Variants in CD163L1 observed in about 807,000 individuals in gnomAD.
CD163L1 encodes CD163 molecule like 1, also known as scavenger receptor cysteine-rich type 1 protein M160.
In CD163L1, 124 loss-of-function variants were observed where a neutral mutation model predicts 165.4. The ratio of observed to expected loss-of-function variants is 0.75; its 90% CI spans 0.65 to 0.87. The LOEUF (loss-of-function observed/expected upper bound fraction) is 0.87, where lower values mean the gene tolerates loss of function less well. Among genes scored for constraint, CD163L1 ranks in the 40% least tolerant of loss-of-function variants. The probability of loss-of-function intolerance (pLI) is 0.00; values close to 1 mark genes in which losing one functional copy is unlikely to be tolerated. For synonymous variants in CD163L1, 585 were observed against 662.2 expected (o/e 0.88, Z 1.79); for missense variants, 1,525 against 1,799.9 (o/e 0.85, Z 2.76).
At chr12:7,342,643 C>A (rs1289991772), downstream of CD163L1, among the ~76,000 whole-genome samples, 3 of 152,104 alleles carry the variant, frequency 2.0e-5, no homozygotes, top group Non-Finnish European at 4.4e-5. Context: ...CATTTTCCTC[C>A]AGCCTTGGAG....
chr12:7,439,203 C>T, intron 2 of CD163L1: 1 of 1,580,534 alleles, frequency 6.3e-7, no homozygotes, highest in Non-Finnish European at 8.6e-7. Flanking sequence ...ACACTTGATT[C>T]AGATTCCACC....
At chr12:7,415,159 A>T (rs942580379) in intron 4 of CD163L1, among the ~76,000 whole-genome samples, 19 of 152,130 alleles carry the variant, frequency 1.2e-4, no homozygotes, top group African/African-American at 4.3e-4. Context: ...AAATATAAAG[A>T]TATGTATATT....
In CD163L1 at chr12:7,400,570, T is replaced by C. The variant is rs1368562428; in HGVS notation, c.1409-1986A>G. Among the ~76,000 whole-genome samples the C allele has an allele frequency of 6.6e-6, 1 of 152,114 alleles. No individual in the cohort carries two copies. The highest frequency in any genetic ancestry group is 1.5e-5 in the Non-Finnish European group (1 of 68,012). On this transcript the variant is annotated intron_variant, in intron 6 of 19. Transcript: ENST00000313599. This position sits in a 1 kb window ranked among gnomAD's most constrained non-coding sequence, Gnocchi z 4.1. ...TGCCCAGGCTGGAGTGGAGTGGCTA[T>C]TTACAGGTGCAATCATAGCACCTTA...
intron 8 of CD163L1, among the ~76,000 whole-genome samples, chr12:7,383,532 G>T (rs12423602): frequency 0.052 from 7,947 of 152,210 alleles, 529 homozygotes; most frequent in Admixed American, 0.21. Context: ...ACTCACATTG[G>T]TGCTTGCATA....
downstream of CD163L1, among the ~76,000 whole-genome samples, chr12:7,352,560 T>C (rs1591862211): frequency 6.6e-6 from 1 of 152,240 alleles, no homozygotes; most frequent in South Asian, 2.1e-4. Context: ...TAGAATATGT[T>C]CCCTGACACA....
the CD163L1 span, among the ~76,000 whole-genome samples, chr12:7,327,551 T>G: frequency 6.6e-6 from 1 of 152,208 alleles, no homozygotes; most frequent in African/African-American, 2.4e-5. Flanking sequence ...TCCTGAAACC[T>G]TCTTCAAAGA....
chr12:7,411,666 T>C (rs1948140363), intron 4 of CD163L1, among the ~76,000 whole-genome samples: 1 of 152,224 alleles, frequency 6.6e-6, no homozygotes, highest in African/African-American at 2.4e-5. Context: ...CCATGATTCA[T>C]GTACAGCCTG....
At chr12:7,376,158 G>A in intron 9 of CD163L1, 144 bp from the exon 10 acceptor site, 1 of 685,944 alleles carries the variant, frequency 1.5e-6, no homozygotes, top group Non-Finnish European at 2.4e-6. Flanking sequence ...GACAAGATTA[G>A]CAGTACAGAC....
At chr12:7,402,721 G>A (rs982940086) in intron 6 of CD163L1, among the ~76,000 whole-genome samples, 4 of 151,350 alleles carry the variant, frequency 2.6e-5, no homozygotes, top group African/African-American at 7.3e-5. Flanking sequence ...CTGCAGCCTC[G>A]AATTTCTGGG....
intron 4 of CD163L1, among the ~76,000 whole-genome samples, chr12:7,424,523 A>G (rs1948505635): frequency 6.6e-6 from 1 of 152,170 alleles, no homozygotes; most frequent in Non-Finnish European, 1.5e-5. Flanking sequence ...AGGGTATTCA[A>G]ATAGGAAGAG....
downstream of CD163L1, among the ~76,000 whole-genome samples, chr12:7,352,298 AAG>A (rs1260797383): frequency 3.3e-5 from 5 of 152,166 alleles, no homozygotes; most frequent in Admixed American, 3.3e-4. Context: ...AACTTAGAGT[AAG>A]AACAGTGGAA....
chr12:7,323,521 C>G, the CD163L1 span: 1 of 1,613,856 alleles, frequency 6.2e-7, no homozygotes, highest in Non-Finnish European at 8.5e-7. Context: ...CCCTCAGACT[C>G]AAACCTACAC....
intron 4 of CD163L1, among the ~76,000 whole-genome samples, chr12:7,421,063 A>ACG (rs1308697801): frequency 1.3e-4 from 13 of 103,890 alleles, no homozygotes; most frequent in Admixed American, 4.0e-4. Context: ...ATACGTATAT[A>ACG]TGTATATATA....
At chr12:7,442,170 G>A (rs1174831502) in intron 1 of CD163L1, among the ~76,000 whole-genome samples, 2 of 152,136 alleles carry the variant, frequency 1.3e-5, no homozygotes, top group South Asian at 2.1e-4. Context: ...CTGTTTACTT[G>A]AGGGGTATGT....
At chr12:7,393,610 T>A (rs1591918954) in intron 8 of CD163L1, among the ~76,000 whole-genome samples, 2 of 152,200 alleles carry the variant, frequency 1.3e-5, no homozygotes, top group Admixed American at 1.3e-4. Flanking sequence ...GGGTATTCAG[T>A]TAGGAAAAGA....
intron 7 of CD163L1, among the ~76,000 whole-genome samples, chr12:7,396,821 C>T (rs770016331): frequency 1.3e-5 from 2 of 151,316 alleles, no homozygotes. Flanking sequence ...AAATCTCTGT[C>T]TCTCTCTCTA....
At chr12:7,395,429 C>T (rs1947751862) in intron 8 of CD163L1, among the ~76,000 whole-genome samples, 1 of 152,096 alleles carries the variant, frequency 6.6e-6, no homozygotes, top group African/African-American at 2.4e-5. Flanking sequence ...GAACATCACC[C>T]ACTGGGGCCT....
intron 2 of CD163L1, chr12:7,438,939 A>G: frequency 1.2e-6 from 2 of 1,606,920 alleles, no homozygotes; most frequent in East Asian, 4.5e-5. Context: ...TTCTCTAAGA[A>G]TGCGTTCTTG....
chr12:7,400,350 C>T lies in CD163L1; in HGVS notation c.1409-1766G>A, dbSNP rs1365157057. Reference sequence around the variant, plus strand: ...CATGTATATATAATATGTATCATTTCCAGATATACTAAATAAAAATTCATA... The same window carrying T: ...CATGTATATATAATATGTATCATTTTCAGATATACTAAATAAAAATTCATA... On this transcript the variant is annotated intron_variant, in intron 6 of 19. Coordinates refer to ENST00000313599, the MANE Select transcript of CD163L1 (RefSeq NM_174941.6). This position sits in a 1 kb window ranked among gnomAD's most constrained non-coding sequence, Gnocchi z 4.1. Among the ~76,000 whole-genome samples the T allele has an allele frequency of 6.6e-6, 1 of 151,946 alleles. No individual in the cohort carries two copies. The highest frequency in any genetic ancestry group is 1.5e-5 in the Non-Finnish European group (1 of 68,014).
Sources: gnomAD v4.1 joint callset for allele counts (sites outside exome capture counted in the v4.1 genomes callset) on GRCh38, gnomAD v4.1.1 for gene constraint, Gnocchi (gnomAD v3.1) non-coding constraint, MANE v1.5 for transcripts, NCBI Gene and HGNC (gene_info 2026-07-23, HGNC 2026-07-21) for gene names.